UQCC2: variants seen among roughly 807,000 people sequenced by gnomAD.
UQCC2 encodes ubiquinol-cytochrome c reductase complex assembly factor 2, also known as breast cancer-associated protein SGA-81M.
Under a neutral mutation model 19.9 loss-of-function variants are expected in UQCC2, and 21 were observed. The ratio of observed to expected loss-of-function variants is 1.05; its 90% CI spans 0.75 to 1.52. The LOEUF (loss-of-function observed/expected upper bound fraction) is 1.52, where lower values mean the gene tolerates loss of function less well. Among genes scored for constraint, UQCC2 ranks in the 40% most tolerant of loss-of-function variants. The probability of loss-of-function intolerance (pLI) is 0.00; values close to 1 mark genes in which losing one functional copy is unlikely to be tolerated. For missense variants in UQCC2, 135 were observed against 157.5 expected (o/e 0.86, Z 0.76); for synonymous variants, 57 against 60.9 (o/e 0.94, Z 0.30).
intron 1 of UQCC2, 31 bp from the exon 2 acceptor site, chr6:33,701,451 G>C (rs375112345): frequency 6.2e-7 from 1 of 1,607,046 alleles, no homozygotes; most frequent in Non-Finnish European, 8.5e-7. Flanking sequence ...AAGGAGGTGA[G>C]CAAAGGAGTC....
intron 1 of UQCC2, among the ~76,000 whole-genome samples, chr6:33,705,127 G>C (rs972614672): frequency 6.6e-6 from 1 of 151,794 alleles, no homozygotes; most frequent in African/African-American, 2.4e-5. Context: ...CGCCTCCCGG[G>C]TTCATGCCAT....
intron 1 of UQCC2, 60 bp downstream of exon 1, chr6:33,711,489 T>C (rs1464032164): frequency 4.6e-6 from 7 of 1,524,566 alleles, no homozygotes; most frequent in Non-Finnish European, 6.1e-6. Flanking sequence ...GCGCGCTCGT[T>C]GGCCCCGCCC....
In UQCC2 at chr6:33,702,688, T is replaced by G. The variant is rs563749552; in HGVS notation, c.139-1268A>C. ...CCTTCCTATTATTTATGTATAGTTC[T>G]TTATATTTTTCTGCCAAGAATTTTG... On this transcript the variant is annotated intron_variant, in intron 1 of 3. Transcript: ENST00000607484. Among the ~76,000 whole-genome samples the G allele has an allele frequency of 3.3e-5, 5 of 152,378 alleles. No homozygotes were observed. In the South Asian group the frequency reaches 1.0e-3, roughly 32 times the overall value.
In UQCC2 at chr6:33,711,669, G is replaced by A. The variant is rs776064876; in HGVS notation, c.18C>T (p.Tyr6=). The change falls in exon 1 of 4, where the codon TAC becomes TAT. Residue 6 remains tyrosine, a synonymous_variant. Coordinates refer to ENST00000607484, the MANE Select transcript of UQCC2 (RefSeq NM_032340.4). ...CCTCACAGAGCTTAAGAAAACGCCG[G>A]TACCGGCTGGCCGCCATCTTGGGCC... The part of the protein sequence containing the change: MAASR[Y]RRFLKLCEEW... 4.3e-6 allele frequency: 7 copies of A among 1,610,504 alleles called. No homozygotes were observed. The highest frequency in any genetic ancestry group is 3.4e-5 in the Admixed American group (2 of 59,134).
At chr6:33,699,990 A>C (rs781766242) in intron 3 of UQCC2, among the ~76,000 whole-genome samples, 33 of 152,154 alleles carry the variant, frequency 2.2e-4, no homozygotes, top group Admixed American at 9.8e-4. Flanking sequence ...TCTAAAACAT[A>C]CCTAGTTAAA....
chr6:33,710,981 C>A (rs995763652), intron 1 of UQCC2, among the ~76,000 whole-genome samples: 1 of 152,176 alleles, frequency 6.6e-6, no homozygotes. Flanking sequence ...GCAGAGTTAA[C>A]TGGGGATTAG....
intron 1 of UQCC2, among the ~76,000 whole-genome samples, chr6:33,706,483 C>A (rs1032357886): frequency 2.0e-5 from 3 of 152,166 alleles, no homozygotes; most frequent in Non-Finnish European, 2.9e-5. Context: ...CTGCCCGGGG[C>A]AATGTGTAAG....
Position 33,697,595 on chromosome 6 carries a change from G to A in UQCC2, c.*58C>T. 1 of 1,351,270 alleles carries A rather than the reference G, an allele frequency of 7.4e-7. No homozygotes were observed. Among genetic ancestry groups the A allele is most frequent in the Non-Finnish European group, 1.0e-6 (1 of 976,024 alleles). The allele number at this position is 1,351,270 out of a possible 1,614,324, so 83.7% of individuals were successfully genotyped here. A position where few individuals can be genotyped will look rare whatever the true frequency, so the allele number is the denominator to read the frequency against. ...AAGGGGAAACTGGGGCAGTTTTATT[G>A]ACGATGGCAATGTACAAGACTCCAC... On this transcript the variant is annotated 3_prime_UTR_variant, in exon 4 of 4. Transcript: ENST00000607484.
intron 3 of UQCC2, among the ~76,000 whole-genome samples, chr6:33,698,965 A>C (rs1765606424): frequency 6.6e-6 from 1 of 152,158 alleles, no homozygotes; most frequent in African/African-American, 2.4e-5. Flanking sequence ...GGAGAAAAAA[A>C]GAGTATCTTT....
chr6:33,705,677 C>T (rs888134523), intron 1 of UQCC2, among the ~76,000 whole-genome samples: 1 of 152,138 alleles, frequency 6.6e-6, no homozygotes, highest in African/African-American at 2.4e-5. Flanking sequence ...AGACATCTGT[C>T]GAATTCCAGA....
Position 33,707,812 on chromosome 6 carries a change from T to G in UQCC2, c.138+3737A>C, listed in dbSNP as rs376635014. 5.3e-5 allele frequency among the ~76,000 whole-genome samples: 8 copies of G among 152,360 alleles called. No homozygotes were observed. In the South Asian group the frequency reaches 1.7e-3, roughly 32 times the overall value. ...AATTCTTTTATTAAGCTCTCAGCGC[T>G]GTAGGAAACACGTGTTCTTAGACAA... On this transcript the variant is annotated intron_variant, in intron 1 of 3. Transcript: ENST00000607484.
chr6:33,701,282 T>C (rs1194764659), intron 2 of UQCC2, 64 bp downstream of exon 2: 2 of 1,500,182 alleles, frequency 1.3e-6, no homozygotes, highest in Non-Finnish European at 1.8e-6. Flanking sequence ...AATCAGATTT[T>C]CACTCATTCT....
chr6:33,705,039 T>A (rs1239274422), intron 1 of UQCC2, among the ~76,000 whole-genome samples: 1 of 151,462 alleles, frequency 6.6e-6, no homozygotes, highest in Non-Finnish European at 1.5e-5. Flanking sequence ...ACTTCTTTTT[T>A]TTTTTTTTTT....
chr6:33,699,345 C>T (rs1765611736), intron 3 of UQCC2, among the ~76,000 whole-genome samples: 1 of 152,190 alleles, frequency 6.6e-6, no homozygotes, highest in African/African-American at 2.4e-5. Context: ...ATCTCCCAGC[C>T]TTCGTTGCTG....
intron 2 of UQCC2, among the ~76,000 whole-genome samples, chr6:33,700,946 T>C (rs945078906): frequency 1.3e-5 from 2 of 152,236 alleles, no homozygotes; most frequent in Non-Finnish European, 2.9e-5. Context: ...ACAGTAATCA[T>C]GTTGGGCCCA....
intron 1 of UQCC2, among the ~76,000 whole-genome samples, chr6:33,702,860 C>T (rs1014170063): frequency 3.7e-4 from 56 of 152,206 alleles, no homozygotes; most frequent in African/African-American, 1.3e-3. Context: ...AGCTCCACTG[C>T]TGCCTCTCTG....
intron 1 of UQCC2, among the ~76,000 whole-genome samples, chr6:33,707,390 G>A (rs1261416124): frequency 6.6e-6 from 1 of 152,190 alleles, no homozygotes; most frequent in Non-Finnish European, 1.5e-5. Flanking sequence ...GGTGGCTTGG[G>A]AGCTAGCTCC....
rs181262093 is a variant in UQCC2, at chr6:33,701,818, G to A, written c.139-398C>T. Among the ~76,000 whole-genome samples the A allele has an allele frequency of 4.4e-3, 661 of 151,818 alleles. 4 individuals carry two copies. The highest frequency in any genetic ancestry group is 5.9e-3 in the Non-Finnish European group (399 of 67,956). ...ACAGGGACTCAGTGGGGGAGTCCCC[G>A]CATGCTCAAGTGGTCAGTGCATGAT... is the stretch of plus-strand genomic sequence containing the variant. On this transcript the variant is annotated intron_variant, in intron 1 of 3. Transcript: ENST00000607484.
intron 1 of UQCC2, among the ~76,000 whole-genome samples, chr6:33,707,528 A>C (rs1429049441): frequency 6.6e-6 from 1 of 152,206 alleles, no homozygotes; most frequent in Non-Finnish European, 1.5e-5. Flanking sequence ...ACCCAAGAAA[A>C]AGTTTAACTT....
Sources: allele counts gnomAD v4.1 joint callset (sites outside exome capture counted in the v4.1 genomes callset), GRCh38; gene constraint gnomAD v4.1.1; transcripts MANE v1.5; gene names NCBI Gene and HGNC (gene_info 2026-07-23, HGNC 2026-07-21).